MRPL44: variants seen among roughly 807,000 people sequenced by gnomAD.
The protein encoded by MRPL44 is large ribosomal subunit protein mL44.
Under a neutral mutation model 25.9 loss-of-function variants are expected in MRPL44, and 21 were observed. The ratio of observed to expected loss-of-function variants is 0.81; its 90% CI spans 0.58 to 1.17. MRPL44 has a LOEUF of 1.17. Among genes scored for constraint, MRPL44 ranks in the 50% most tolerant of loss-of-function variants. MRPL44 has a pLI of 0.00. For missense variants in MRPL44, 410 were observed against 398.9 expected, an observed-to-expected ratio of 1.03 and a Z score of -0.24; for synonymous variants, 169 against 151.0, an observed-to-expected ratio of 1.12 and a Z score of -0.87.
intron 3 of MRPL44, among the ~76,000 whole-genome samples, chr2:223,964,687 G>GA (rs1689717343): frequency 6.6e-6 from 1 of 152,128 alleles, no homozygotes; most frequent in South Asian, 2.1e-4. Context: ...CTGCTGGTAG[G>GA]AAAAAAATGT....
chr2:223,961,911 C>A (rs1689665446), intron 2 of MRPL44, among the ~76,000 whole-genome samples: 1 of 152,082 alleles, frequency 6.6e-6, no homozygotes, highest in South Asian at 2.1e-4. Context: ...GTTTCCTAAC[C>A]TTACACTTGG....
chr2:223,964,498 C>G (rs1363046314), intron 3 of MRPL44, among the ~76,000 whole-genome samples: 1 of 152,098 alleles, frequency 6.6e-6, no homozygotes, highest in Non-Finnish European at 1.5e-5. Flanking sequence ...AAATATTTTT[C>G]TAATCCTTGT....
At chr2:223,957,073 A>G (rs3806487), upstream of MRPL44, among the ~76,000 whole-genome samples, 2 of 152,242 alleles carry the variant, frequency 1.3e-5, no homozygotes, top group East Asian at 3.9e-4. Flanking sequence ...AATATAAATT[A>G]AAAATGTTTT....
upstream of MRPL44, among the ~76,000 whole-genome samples, chr2:223,954,007 G>A (rs1689529505): frequency 6.6e-6 from 1 of 152,118 alleles, no homozygotes; most frequent in Non-Finnish European, 1.5e-5. Flanking sequence ...AAACATCAAG[G>A]AACACGTAAA....
chr2:223,958,459 A>G (rs763619395), intron 1 of MRPL44, among the ~76,000 whole-genome samples: 2 of 152,268 alleles, frequency 1.3e-5, no homozygotes, highest in Non-Finnish European at 2.9e-5. Flanking sequence ...AGAGAAGATT[A>G]TAGCAAAAAA....
At chr2:223,957,868 T>A (rs1194275978) in intron 1 of MRPL44, among the ~76,000 whole-genome samples, 1 of 152,180 alleles carries the variant, frequency 6.6e-6, no homozygotes, top group Non-Finnish European at 1.5e-5. Flanking sequence ...GTTTTGAAAC[T>A]ACCATTTAGG....
chr2:223,960,106 A>G, intron 2 of MRPL44, 104 bp downstream of exon 2: 1 of 955,964 alleles, frequency 1.0e-6, no homozygotes. Flanking sequence ...TTTTTCTCCC[A>G]AGAAAAACTG....
intron 2 of MRPL44, among the ~76,000 whole-genome samples, chr2:223,962,631 T>C (rs1689681251): frequency 6.6e-6 from 1 of 152,250 alleles, no homozygotes; most frequent in African/African-American, 2.4e-5. Context: ...ATCTTCGTCA[T>C]ATAAATAATT....
chr2:223,959,470 C>G (rs1689621730), intron 1 of MRPL44, 64 bp from the exon 2 acceptor site: 1 of 1,279,858 alleles, frequency 7.8e-7, no homozygotes. Context: ...ACACAGTGAA[C>G]AATTTTTATA....
chr2:223,954,029 G>C (rs1232527506), upstream of MRPL44, among the ~76,000 whole-genome samples: 7 of 152,184 alleles, frequency 4.6e-5, no homozygotes, highest in Non-Finnish European at 1.0e-4. Context: ...TGGAAACCCT[G>C]TGCTTGACAT....
At chr2:223,964,986 C>A (rs372313390) in intron 3 of MRPL44, among the ~76,000 whole-genome samples, 2 of 151,290 alleles carry the variant, frequency 1.3e-5, no homozygotes, top group African/African-American at 4.9e-5. Flanking sequence ...CTATTACAGG[C>A]GACATTTTAA....
chr2:223,951,932 T>C, the MRPL44 span, among the ~76,000 whole-genome samples: 1 of 152,240 alleles, frequency 6.6e-6, no homozygotes, highest in Non-Finnish European at 1.5e-5. Flanking sequence ...ATATTATTTA[T>C]TGTAATAAGT....
chr2:223,956,722 T>C (rs1689569213), upstream of MRPL44, among the ~76,000 whole-genome samples: 1 of 152,226 alleles, frequency 6.6e-6, no homozygotes, highest in African/African-American at 2.4e-5. Context: ...AACTCAAAAC[T>C]GGGAATTCAA....
intron 3 of MRPL44, among the ~76,000 whole-genome samples, chr2:223,964,863 G>A (rs1689719268): frequency 6.6e-6 from 1 of 152,244 alleles, no homozygotes; most frequent in Middle Eastern, 3.4e-3. Flanking sequence ...ACTTTGAACA[G>A]TTGCTGGGAC....
At chr2:223,957,762 T>A in intron 1 of MRPL44, 111 bp downstream of exon 1, 2 of 1,265,164 alleles carry the variant, frequency 1.6e-6, no homozygotes, top group East Asian at 2.5e-5. Flanking sequence ...CCTTAGGAAG[T>A]TTGCGATGGA....
chr2:223,952,839 C>T (rs933031954), upstream of MRPL44, among the ~76,000 whole-genome samples: 1 of 152,116 alleles, frequency 6.6e-6, no homozygotes, highest in Non-Finnish European at 1.5e-5. Context: ...TGTTATCTGA[C>T]CATGTGGCAG....
upstream of MRPL44, chr2:223,957,443 G>A (rs1176432141): frequency 1.9e-6 from 3 of 1,613,930 alleles, no homozygotes; most frequent in Admixed American, 3.3e-5. Flanking sequence ...GACTACTTTC[G>A]TTCCGTCTTC....
chr2:223,961,434 A>C (rs1445585177), intron 2 of MRPL44, among the ~76,000 whole-genome samples: 1 of 152,204 alleles, frequency 6.6e-6, no homozygotes, highest in Non-Finnish European at 1.5e-5. Flanking sequence ...ATTACTAAGA[A>C]AGTGGTTTGG....
intron 2 of MRPL44, among the ~76,000 whole-genome samples, chr2:223,962,796 G>C (rs1689684171): frequency 6.6e-6 from 1 of 152,130 alleles, no homozygotes; most frequent in South Asian, 2.1e-4. Flanking sequence ...CCACCTCCCA[G>C]GTTCAAGCAA....
Sources: gnomAD v4.1 joint callset for allele counts (sites outside exome capture counted in the v4.1 genomes callset) on GRCh38, gnomAD v4.1.1 for gene constraint, MANE v1.5 for transcripts, NCBI Gene and HGNC (gene_info 2026-07-23, HGNC 2026-07-21) for gene names.